CAND1: variants seen among roughly 807,000 people sequenced by gnomAD.
CAND1 encodes cullin-associated NEDD8-dissociated protein 1.
A neutral mutation model predicts 108.5 loss-of-function variants in CAND1; 7 were observed. The observed-to-expected ratio is 0.06, with a 90% CI of 0.04 to 0.12. CAND1 has a LOEUF of 0.12. Ranked by LOEUF, CAND1 falls within the 10% of genes least tolerant of loss-of-function variation. CAND1 has a pLI of 1.00. For synonymous variants in CAND1, 534 were observed against 512.0 expected (o/e 1.04, Z -0.58); for missense variants, 941 against 1,448.7 (o/e 0.65, Z 5.69).
At chr12:67,285,979 T>C (rs747152087) in intron 2 of CAND1, among the ~76,000 whole-genome samples, 25 of 152,164 alleles carry the variant, frequency 1.6e-4, no homozygotes, top group Non-Finnish European at 3.2e-4. Context: ...AAGTCCCTTT[T>C]AGGACATGTG....
rs2044992488 is a variant in CAND1 at position 67,314,866 on chromosome 12, A to G, written c.*2036A>G. The G allele has an allele frequency of 6.6e-6, 1 of 152,216 alleles. No individual in the cohort carries two copies. Among genetic ancestry groups the G allele is most frequent in the South Asian group, 2.1e-4 (1 of 4,828 alleles). The allele number at this position is 152,216 out of a possible 1,614,324, so 9.4% of individuals were successfully genotyped here. ...TGTTTATATACCTGTTTATATGCAT[A>G]CATTAACAAAATTAGTAACAGCAGT... On this transcript the variant is annotated 3_prime_UTR_variant, in exon 15 of 15. Coordinates refer to ENST00000545606, the MANE Select transcript of CAND1 (RefSeq NM_018448.5).
intron 1 of CAND1, among the ~76,000 whole-genome samples, chr12:67,274,451 A>G (rs189768112): frequency 8.5e-5 from 13 of 152,350 alleles, no homozygotes; most frequent in African/African-American, 2.9e-4. Context: ...GAGGGAATAG[A>G]TAACCTGACT....
intron 2 of CAND1, among the ~76,000 whole-genome samples, chr12:67,284,630 A>T (rs2044650975): frequency 7.8e-6 from 1 of 128,924 alleles, no homozygotes; most frequent in Non-Finnish European, 1.8e-5. Context: ...CACTTGACAG[A>T]ATTCATCATC....
At chr12:67,288,807 G>T (rs1379424828) in intron 2 of CAND1, among the ~76,000 whole-genome samples, 1 of 152,182 alleles carries the variant, frequency 6.6e-6, no homozygotes, top group Non-Finnish European at 1.5e-5. Context: ...AAGGACAGGG[G>T]CCCAGGGTCA....
chr12:67,288,136 A>ATTT (rs535157799), intron 2 of CAND1, among the ~76,000 whole-genome samples: 1 of 135,854 alleles, frequency 7.4e-6, no homozygotes, highest in Non-Finnish European at 1.6e-5. Context: ...TCTTTTCTGA[A>ATTT]TTTTTTTTTT....
At chr12:67,285,530 A>G (rs2135998546) in intron 2 of CAND1, among the ~76,000 whole-genome samples, 1 of 152,290 alleles carries the variant, frequency 6.6e-6, no homozygotes, top group South Asian at 2.1e-4. Context: ...CCCTATAAAT[A>G]TTATGTCTCT....
intron 1 of CAND1, chr12:67,270,906 CTTGT>C (rs928559482): frequency 6.6e-6 from 1 of 152,022 alleles, no homozygotes; most frequent in Non-Finnish European, 1.5e-5. Flanking sequence ...GACTAAAGAG[CTTGT>C]TTGTTTTGTA....
chr12:67,292,381 G>A (rs1270636198), intron 2 of CAND1, among the ~76,000 whole-genome samples: 5 of 152,102 alleles, frequency 3.3e-5, no homozygotes, highest in Middle Eastern at 3.4e-3. Context: ...GGTATGATAC[G>A]GAAAGCAGCT....
At chr12:67,291,731 A>G (rs2044724006) in intron 2 of CAND1, among the ~76,000 whole-genome samples, 1 of 152,144 alleles carries the variant, frequency 6.6e-6, no homozygotes, top group Non-Finnish European at 1.5e-5. Flanking sequence ...CCAGCACATG[A>G]GGTCAGGTGT....
chr12:67,294,359 G>A lies in CAND1; in HGVS notation c.368-674G>A, dbSNP rs192828751. On this transcript the variant is annotated intron_variant, in intron 3 of 14. Coordinates refer to ENST00000545606, the MANE Select transcript of CAND1 (RefSeq NM_018448.5). ...TTATAATGAAGTTACGGAATCTTTG[G>A]GTTGGAAAGGACCTTATTAAAAGTT... Among the ~76,000 whole-genome samples, 26 of 152,014 alleles carry A rather than the reference G, an allele frequency of 1.7e-4. No individual in the cohort carries two copies. In the East Asian group the frequency reaches 3.9e-3, roughly 23 times the overall value.
At position 67,310,134 on chromosome 12, in the gene CAND1, T is replaced by A; in HGVS notation, c.3196-18T>A. On this transcript the variant is annotated intron_variant, in intron 12 of 14. Transcript: ENST00000545606. ...ACTTAAGTATTGTATATCCACACGT[T>A]CTTTTTTGCTTTAACAGGTAGAAAT... 2.5e-6 allele frequency: 4 copies of A among 1,610,870 alleles called. No homozygotes were observed. The highest frequency in any genetic ancestry group is 3.4e-6 in the Non-Finnish European group (4 of 1,178,004).
chr12:67,310,111 T>C, intron 12 of CAND1, 41 bp downstream of exon 12: 1 of 1,609,710 alleles, frequency 6.2e-7, no homozygotes. Flanking sequence ...TGTCTTTGAC[T>C]TAAGTATTGT....
At chr12:67,283,792 C>A (rs1465933853) in intron 2 of CAND1, among the ~76,000 whole-genome samples, 4 of 152,050 alleles carry the variant, frequency 2.6e-5, no homozygotes, top group Non-Finnish European at 4.4e-5. Flanking sequence ...GAGGTACGTA[C>A]TTCTTAGTCA....
chr12:67,307,912 A>C (rs2044905362), intron 11 of CAND1, among the ~76,000 whole-genome samples: 1 of 151,986 alleles, frequency 6.6e-6, no homozygotes, highest in Non-Finnish European at 1.5e-5. Context: ...AGATCTATGG[A>C]GATTTCCATA....
intron 4 of CAND1, 87 bp from the exon 5 acceptor site, chr12:67,297,320 C>T: frequency 1.7e-6 from 2 of 1,207,242 alleles, no homozygotes; most frequent in Non-Finnish European, 2.4e-6. Context: ...TGAATATTTG[C>T]ATTGAGGTCA....
At chr12:67,284,287 A>C (rs2044647415) in intron 2 of CAND1, among the ~76,000 whole-genome samples, 1 of 152,104 alleles carries the variant, frequency 6.6e-6, no homozygotes, top group African/African-American at 2.4e-5. Context: ...TTAAAAAAAA[A>C]AGAAAGAAAA....
At chr12:67,293,863 G>A (rs930589378) in intron 3 of CAND1, among the ~76,000 whole-genome samples, 2 of 152,164 alleles carry the variant, frequency 1.3e-5, no homozygotes, top group South Asian at 2.1e-4. Context: ...GGCTGCATAC[G>A]TAAACTAGTC....
In CAND1 at chr12:67,269,682, C is replaced by G. The variant is rs368409865; in HGVS notation, c.-36C>G. On this transcript the variant is annotated 5_prime_UTR_variant, in exon 1 of 15. Transcript: ENST00000545606. ...GCGGCAGCGGCAGCGGGCAGCAGCT[C>G]CAGCAGCGCCAGCAGGCGGGATCGA... 15 of 1,576,668 alleles carry G rather than the reference C, an allele frequency of 9.5e-6. No homozygotes were observed. The highest frequency in any genetic ancestry group is 1.4e-5 in the African/African-American group (1 of 72,086).
Position 67,295,016 on chromosome 12 carries a change from G to A in CAND1, c.368-17G>A, listed in dbSNP as rs1555182333. 3 of 1,602,724 alleles carry A rather than the reference G, an allele frequency of 1.9e-6. No individual in the cohort carries two copies. The South Asian group carries it at 3.4e-5, about 18-fold the overall frequency. On this transcript the variant is annotated splice_polypyrimidine_tract_variant and intron_variant, in intron 3 of 14. Transcript: ENST00000545606. ...CATGCTTGCCTTGAAATTATTATTG[G>A]CTTCTTATTCATGCAGGCTCTGCAT...
Sources: allele counts gnomAD v4.1 joint callset (sites outside exome capture counted in the v4.1 genomes callset), GRCh38; gene constraint gnomAD v4.1.1; transcripts MANE v1.5; gene names NCBI Gene and HGNC (gene_info 2026-07-23, HGNC 2026-07-21).